The following MLXIP variants were observed in gnomAD, a reference collection of about 807,000 sequenced individuals.
MLXIP encodes the protein MLX-interacting protein.
Under a neutral mutation model 87.2 loss-of-function variants are expected in MLXIP, and 30 were observed. The ratio of observed to expected loss-of-function variants is 0.34; its 90% CI spans 0.26 to 0.47. The LOEUF is 0.47. Among genes scored for constraint, MLXIP ranks in the 20% least tolerant of loss-of-function variants. The pLI is 1.00. For missense variants in MLXIP, 1,002 were observed against 1,240.1 expected, an observed-to-expected ratio of 0.81 and a Z score of 2.88; for synonymous variants, 530 against 514.0, an observed-to-expected ratio of 1.03 and a Z score of -0.42.
intron 1 of MLXIP, among the ~76,000 whole-genome samples, chr12:122,087,950 A>G (rs36191079): frequency 0.012 from 1,877 of 152,342 alleles, 36 homozygotes; most frequent in East Asian, 0.041. Context: ...AGCTGGGGCC[A>G]TTACTGAAAT....
chr12:122,088,173 C>T (rs1952195522), intron 1 of MLXIP, among the ~76,000 whole-genome samples: 1 of 152,162 alleles, frequency 6.6e-6, no homozygotes, highest in African/African-American at 2.4e-5. Flanking sequence ...TCTTCTTGCT[C>T]CCCTGCCCCT....
chr12:122,141,238 C>A, intron 16 of MLXIP, 155 bp downstream of exon 16: 1 of 680,134 alleles, frequency 1.5e-6, no homozygotes, highest in Non-Finnish European at 1.8e-6. Flanking sequence ...CAGTCAGGAG[C>A]GCCCAGTGGG....
intron 1 of MLXIP, among the ~76,000 whole-genome samples, chr12:122,087,290 C>A (rs961582498): frequency 1.3e-5 from 2 of 152,160 alleles, no homozygotes; most frequent in African/African-American, 2.4e-5. Context: ...GTCCTCTCCC[C>A]TCATGGGACT....
chr12:122,125,282 A>G (rs951716055), intron 1 of MLXIP, among the ~76,000 whole-genome samples: 1 of 151,948 alleles, frequency 6.6e-6, no homozygotes, highest in African/African-American at 2.4e-5. Context: ...CAGTGAGCCA[A>G]GATCTCGCCA....
At chr12:122,111,461 C>T (rs1952605324) in intron 1 of MLXIP, among the ~76,000 whole-genome samples, 1 of 152,204 alleles carries the variant, frequency 6.6e-6, no homozygotes, top group Non-Finnish European at 1.5e-5. Flanking sequence ...TTTAAACCAA[C>T]TACCAACTGA....
At chr12:122,092,145 TG>T (rs1952255394) in intron 1 of MLXIP, among the ~76,000 whole-genome samples, 2 of 152,130 alleles carry the variant, frequency 1.3e-5, no homozygotes, top group South Asian at 4.2e-4. Context: ...TCACCCAGAC[TG>T]GAGTGCAGTG....
chr12:122,133,528 C>T lies in MLXIP; in HGVS notation c.1273C>T (p.Pro425Ser), dbSNP rs569978977. ...FGPSEPPLSV[P>S]QPFLPVFTMP... ...TCCCTCAGAGCCGCCACTGAGTGTC[C>T]CGCAGCCCTTCCTCCCTGTCTTCAC... is the stretch of plus-strand genomic sequence containing the variant. The change falls in exon 9 of 17, where the codon CCG becomes TCG. Residue 425 changes from proline to serine, a missense_variant. By Grantham distance (74) the Pro-to-Ser change is moderately conservative. Coordinates refer to ENST00000319080, the MANE Select transcript of MLXIP (RefSeq NM_014938.6). The surrounding 1 kb of genome is among the most constrained non-coding windows in gnomAD (Gnocchi z 4.9). 1.2e-6 allele frequency: 2 copies of T among 1,610,538 alleles called. No homozygotes were observed. The highest frequency in any genetic ancestry group is 2.2e-5 in the East Asian group (1 of 44,644).
chr12:122,079,065 C>T lies in MLXIP; in HGVS notation c.212C>T (p.Pro71Leu). The T allele has an allele frequency of 1.3e-6, 2 of 1,522,346 alleles. No homozygotes were observed. The highest frequency in any genetic ancestry group is 1.8e-6 in the Non-Finnish European group (2 of 1,136,750). 94.3% of individuals were successfully genotyped at this position (1,522,346 alleles called of 1,614,324 possible). The change falls in exon 1 of 17, where the codon CCG (proline) becomes CTG (leucine). Residue 71 changes from proline to leucine, a missense_variant. Physicochemically the swap from Pro to Leu is moderately conservative, Grantham distance 98. Around this residue, in one of 3 missense-constraint regions of MLXIP, gnomAD observed 129 missense variants for 104.2 expected, o/e 1.24. Coordinates refer to ENST00000319080, the MANE Select transcript of MLXIP (RefSeq NM_014938.6). The part of the protein sequence containing the change: ...PRAGPGREEP[P>L]RRQQIIHSGH... ...GCCGGGCCGGGCCGCGAGGAACCTC[C>T]GCGCCGCCAGCAGATCATCCACAGC...
intron 1 of MLXIP, among the ~76,000 whole-genome samples, chr12:122,109,997 A>G (rs1051490749): frequency 2.0e-5 from 3 of 152,130 alleles, no homozygotes; most frequent in African/African-American, 7.2e-5. Context: ...TGTGACCCCA[A>G]CGCATCCCTG....
intron 1 of MLXIP, among the ~76,000 whole-genome samples, chr12:122,112,601 C>T (rs1267359600): frequency 2.0e-5 from 3 of 150,846 alleles, no homozygotes; most frequent in Non-Finnish European, 4.4e-5. Flanking sequence ...GAGCCAAGAT[C>T]GTGCCACTGC....
intron 1 of MLXIP, among the ~76,000 whole-genome samples, chr12:122,103,942 G>A (rs149143326): frequency 0.16 from 24,516 of 151,490 alleles, 2,263 homozygotes; most frequent in South Asian, 0.22. Context: ...CCCAAAGTGC[G>A]GAGATTACAA....
At chr12:122,122,950 T>C (rs1007882015) in intron 1 of MLXIP, among the ~76,000 whole-genome samples, 53 of 151,026 alleles carry the variant, frequency 3.5e-4, no homozygotes, top group Admixed American at 1.3e-4. Context: ...GCCTCAGCCC[T>C]CCAAGTGCTG....
chr12:122,129,749 G>T, intron 5 of MLXIP, 120 bp downstream of exon 5: 1 of 1,399,406 alleles, frequency 7.1e-7, no homozygotes, highest in South Asian at 1.2e-5. Context: ...GGAGTCTCAG[G>T]AATGGCTCAA....
chr12:122,134,297 C>T (rs559175277), intron 9 of MLXIP: 23 of 371,010 alleles, frequency 6.2e-5, no homozygotes, highest in African/African-American at 3.4e-4. Flanking sequence ...CGGGTTCAAG[C>T]GATTCTCCTT....
intron 1 of MLXIP, among the ~76,000 whole-genome samples, chr12:122,093,258 T>C (rs1952276454): frequency 6.8e-6 from 1 of 146,200 alleles, no homozygotes; most frequent in Non-Finnish European, 1.5e-5. Flanking sequence ...GTGTGTGCAG[T>C]GNGGGTGTGG....
intron 1 of MLXIP, among the ~76,000 whole-genome samples, chr12:122,122,136 C>G (rs1028500898): frequency 4.6e-5 from 7 of 152,098 alleles, no homozygotes; most frequent in Non-Finnish European, 1.0e-4. Context: ...AGCCAGTGGT[C>G]TTGCAGAAAT....
At chr12:122,112,364 C>T (rs1044742808) in intron 1 of MLXIP, among the ~76,000 whole-genome samples, 6 of 152,102 alleles carry the variant, frequency 3.9e-5, no homozygotes, top group Admixed American at 1.3e-4. Flanking sequence ...ACAGGCCGGG[C>T]GTGGTGGCTC....
rs1323130807 is a variant in MLXIP at position 122,135,764 on chromosome 12, G to A, written c.2032+98G>A. 2.6e-5 allele frequency: 35 copies of A among 1,369,800 alleles called. No homozygotes were observed. In the East Asian group the frequency reaches 9.0e-4, roughly 35 times the overall value. The allele number at this position is 1,369,800 out of a possible 1,614,324, so 84.9% of individuals were successfully genotyped here. ...GTGCTTGCTGGGTCCCCAGGACGGA[G>A]CCTGGGCTTAGGACACACAGTGAGG... On this transcript the variant is annotated intron_variant, in intron 11 of 16. Coordinates refer to ENST00000319080, the MANE Select transcript of MLXIP (RefSeq NM_014938.6). The surrounding 1 kb of genome is among the most constrained non-coding windows in gnomAD (Gnocchi z 5.3).
At chr12:122,134,103 G>T in intron 9 of MLXIP, 116 bp downstream of exon 9, 1 of 1,231,082 alleles carries the variant, frequency 8.1e-7, no homozygotes, top group Non-Finnish European at 1.1e-6. Flanking sequence ...GCACGTGCAT[G>T]CGCACACACA....
Sources: gnomAD v4.1 joint callset for allele counts (sites outside exome capture counted in the v4.1 genomes callset) on GRCh38, gnomAD v4.1.1 for gene constraint, gnomAD v4.1.1 regional missense constraint, Gnocchi (gnomAD v3.1) non-coding constraint, MANE v1.5 for transcripts, NCBI Gene and HGNC (gene_info 2026-07-23, HGNC 2026-07-21) for gene names.